The following RAD54L2 variants were observed in gnomAD, a reference collection of about 807,000 sequenced individuals.
The protein encoded by RAD54L2 is helicase ARIP4.
Under a neutral mutation model 138.4 loss-of-function variants are expected in RAD54L2, and 27 were observed. That is an observed-to-expected ratio of 0.20 (90% confidence interval 0.14 to 0.27). The LOEUF is 0.27. RAD54L2 is among the 10% of genes least tolerant of loss of function. The pLI, the probability that RAD54L2 is intolerant of heterozygous loss-of-function variation, is 1.00. For synonymous variants in RAD54L2, 644 were observed against 723.2 expected (o/e 0.89, Z 1.76); for missense variants, 1,396 against 1,890.2 (o/e 0.74, Z 4.85).
chr3:51,546,866 T>G (rs1698710436), intron 2 of RAD54L2, among the ~76,000 whole-genome samples: 1 of 150,972 alleles, frequency 6.6e-6, no homozygotes, highest in Non-Finnish European at 1.5e-5. Flanking sequence ...CTATCTCTAC[T>G]AAAAATACAA....
In RAD54L2 at chr3:51,666,174, C is replaced by CTTTTTTTTTTTTTTTT. The variant is rs1169939947; in HGVS notation, c.*2774_*2789dup. 1.7e-5 allele frequency: 1 copy of CTTTTTTTTTTTTTTTT among 58,710 alleles called. No homozygotes were observed. Among genetic ancestry groups the CTTTTTTTTTTTTTTTT allele is most frequent in the Non-Finnish European group, 2.8e-5 (1 of 36,318 alleles). The allele number at this position is 58,710 out of a possible 1,614,324, so 3.6% of individuals were successfully genotyped here. ...AGTGCTACCAGGTCCATGGTTTTTG[C>CTTTTTTTTTTTTTTTT]TTTTTTTTTTTTTTTTTTTTTTTTT... On this transcript the variant is annotated 3_prime_UTR_variant, in exon 23 of 23. Coordinates refer to ENST00000684192, the MANE Select transcript of RAD54L2 (RefSeq NM_015106.4).
chr3:51,589,360 GCACTCCACCCA>G (rs1471323301), intron 2 of RAD54L2, among the ~76,000 whole-genome samples: 1 of 152,090 alleles, frequency 6.6e-6, no homozygotes, highest in African/African-American at 2.4e-5. Flanking sequence ...TTGTGCCTCT[GCACTCCACCCA>G]CACTCCAGCC....
At chr3:51,555,815 C>T (rs897744151) in intron 2 of RAD54L2, among the ~76,000 whole-genome samples, 8 of 152,208 alleles carry the variant, frequency 5.3e-5, no homozygotes, top group African/African-American at 1.9e-4. Flanking sequence ...TATTTACCCC[C>T]AGACACAAGT....
intron 19 of RAD54L2, among the ~76,000 whole-genome samples, chr3:51,651,838 T>C (rs1701446503): frequency 6.6e-6 from 1 of 152,176 alleles, no homozygotes; most frequent in South Asian, 2.1e-4. Context: ...TCATACTGAA[T>C]GGGCAAACAC....
intron 3 of RAD54L2, among the ~76,000 whole-genome samples, chr3:51,617,381 C>T (rs1418551388): frequency 6.6e-6 from 1 of 152,172 alleles, no homozygotes; most frequent in Non-Finnish European, 1.5e-5. Context: ...TCTTCGTTAG[C>T]ACTTGTTATT....
chr3:51,558,770 C>T (rs1449346057), intron 2 of RAD54L2, among the ~76,000 whole-genome samples: 1 of 152,064 alleles, frequency 6.6e-6, no homozygotes, highest in Non-Finnish European at 1.5e-5. Flanking sequence ...CATGCTGGCA[C>T]TTCTCTTACT....
chr3:51,579,161 CT>C (rs771455214), intron 2 of RAD54L2, among the ~76,000 whole-genome samples: 210 of 131,634 alleles, frequency 1.6e-3, no homozygotes, highest in Middle Eastern at 3.8e-3. Context: ...TGAGCCTGGG[CT>C]TTTTTTTTTT....
At chr3:51,600,132 C>T (rs1235200965) in intron 3 of RAD54L2, among the ~76,000 whole-genome samples, 3 of 151,936 alleles carry the variant, frequency 2.0e-5, no homozygotes, top group Admixed American at 6.6e-5. Flanking sequence ...TTAGTAGAGA[C>T]GGGGTTTCAC....
chr3:51,551,331 CTA>C (rs1698831634), intron 2 of RAD54L2, among the ~76,000 whole-genome samples: 1 of 151,928 alleles, frequency 6.6e-6, no homozygotes, highest in Non-Finnish European at 1.5e-5. Flanking sequence ...TGGGGTTTTT[CTA>C]TGTTTCCCAG....
intron 5 of RAD54L2, 42 bp from the exon 6 acceptor site, chr3:51,630,230 A>C (rs375142426): frequency 1.3e-6 from 2 of 1,499,476 alleles, no homozygotes. Flanking sequence ...TTAGAGCCAA[A>C]TGTGGTCTTG....
At chr3:51,593,867 A>C (rs1420003323) in intron 3 of RAD54L2, among the ~76,000 whole-genome samples, 1 of 152,044 alleles carries the variant, frequency 6.6e-6, no homozygotes, top group Non-Finnish European at 1.5e-5. Flanking sequence ...GTAGCTTATT[A>C]ATTTTCAGAT....
rs1388564509 is a variant in RAD54L2 at position 51,646,330 on chromosome 3, A to C, written c.2875A>C (p.Lys959Gln). 6.2e-7 allele frequency: 1 copy of C among 1,606,080 alleles called. No individual in the cohort carries two copies. Among genetic ancestry groups the C allele is most frequent in the Admixed American group, 1.7e-5 (1 of 58,566 alleles). ...ATTGCTCTTGAACCGAAAGGATCAC[A>C]AGCTAACCAAGGCTGAGAAAAAAGC... Reference protein sequence around the residue: ...ESLLLNRKDHKLTKAEKKAAK... With the variant: ...ESLLLNRKDHQLTKAEKKAAK... Residue 959 changes from lysine (K) to glutamine (Q), a missense_variant, in exon 19 of 23, where the codon AAG becomes CAG. Lys to Gln is a moderately conservative substitution (Grantham distance 53, BLOSUM62 1). Coordinates refer to ENST00000684192, the MANE Select transcript of RAD54L2 (RefSeq NM_015106.4).
At chr3:51,559,066 G>T (rs1231966230) in intron 2 of RAD54L2, among the ~76,000 whole-genome samples, 1 of 151,726 alleles carries the variant, frequency 6.6e-6, no homozygotes, top group Non-Finnish European at 1.5e-5. Flanking sequence ...GTAGAGAGGG[G>T]GTTTCACCAT....
At chr3:51,631,555 G>T (rs1700843895) in intron 7 of RAD54L2, among the ~76,000 whole-genome samples, 1 of 142,954 alleles carries the variant, frequency 7.0e-6, no homozygotes, top group Non-Finnish European at 1.5e-5. Flanking sequence ...CGTTGCCCAA[G>T]CTGATCTTGA....
chr3:51,649,312 A>T (rs1431952830), intron 19 of RAD54L2, among the ~76,000 whole-genome samples: 1 of 152,172 alleles, frequency 6.6e-6, no homozygotes, highest in Non-Finnish European at 1.5e-5. Flanking sequence ...GAAAAGACCA[A>T]ATCTACGTTT....
rs780624148 is a variant in RAD54L2 at position 51,635,770 on chromosome 3, G to T, written c.1320G>T (p.Arg440=). 5 of 1,610,926 alleles carry T rather than the reference G, an allele frequency of 3.1e-6. No individual in the cohort carries two copies. Among genetic ancestry groups the T allele is most frequent in the Non-Finnish European group, 2.5e-6 (3 of 1,178,790 alleles). ...TCATTGATCTAGATGAGGAAGATCG[G>T]CAGCAGGAGTTTCGGAGAGGTGGGC... ...PVIIDLDEED[R]QQEFRREFEK... is the part of the protein sequence containing the mutation. Residue 440 remains arginine, a synonymous_variant, in exon 10 of 23, where the codon CGG becomes CGT. Transcript: ENST00000684192.
intron 2 of RAD54L2, among the ~76,000 whole-genome samples, chr3:51,544,512 T>G (rs1235526770): frequency 6.6e-6 from 1 of 152,228 alleles, no homozygotes; most frequent in African/African-American, 2.4e-5. Context: ...GTGCTTTGTC[T>G]TCATATGTAA....
chr3:51,599,502 T>C, intron 3 of RAD54L2, among the ~76,000 whole-genome samples: 1 of 152,186 alleles, frequency 6.6e-6, no homozygotes, highest in East Asian at 1.9e-4. Flanking sequence ...CAATCAAACC[T>C]GAATAAAGGT....
intron 2 of RAD54L2, among the ~76,000 whole-genome samples, chr3:51,576,536 G>A (rs1699485647): frequency 6.6e-6 from 1 of 152,102 alleles, no homozygotes; most frequent in Admixed American, 6.6e-5. Context: ...CCTGTTATTG[G>A]TCTATTGAGG....
Sources: gnomAD v4.1 joint callset for allele counts (sites outside exome capture counted in the v4.1 genomes callset) on GRCh38, gnomAD v4.1.1 for gene constraint, MANE v1.5 for transcripts, NCBI Gene and HGNC (gene_info 2026-07-23, HGNC 2026-07-21) for gene names.